Variants in TSPOAP1 observed in about 807,000 individuals in gnomAD.
The protein encoded by TSPOAP1 is TSPO associated protein 1.
In TSPOAP1, 87 loss-of-function variants were observed where a neutral mutation model predicts 197.0. The observed-to-expected ratio is 0.44, with a 90% confidence interval of 0.37 to 0.53. The LOEUF is 0.53. TSPOAP1 is among the 20% of genes least tolerant of loss of function. TSPOAP1 has a pLI of 0.00. For missense variants in TSPOAP1, 2,174 were observed against 2,411.3 expected, an observed-to-expected ratio of 0.90 and a Z score of 2.06; for synonymous variants, 913 against 998.9, an observed-to-expected ratio of 0.91 and a Z score of 1.62.
At chr17:58,321,300 CTTTTT>C (rs200542407) in intron 10 of TSPOAP1, among the ~76,000 whole-genome samples, 1 of 143,668 alleles carries the variant, frequency 7.0e-6, no homozygotes, top group Non-Finnish European at 1.5e-5. Context: ...CTTGTCAATT[CTTTTT>C]TTTTTTTTTT....
chr17:58,306,455 G>A, intron 25 of TSPOAP1, 42 bp from the exon 26 acceptor site: 1 of 1,517,834 alleles, frequency 6.6e-7, no homozygotes, highest in Non-Finnish European at 8.9e-7. Context: ...AGGGGAGGTG[G>A]GAGAGACAGG....
intron 31 of TSPOAP1, chr17:58,302,992 GGGACTCTCCCTTAA>G (rs1328791924): frequency 6.6e-6 from 1 of 152,356 alleles, no homozygotes; most frequent in African/African-American, 2.4e-5. Context: ...GAGGAAGATT[GGGACTCTCCCTTAA>G]GGGCCCCTAA....
chr17:58,323,612 C>T (rs1208221581), intron 5 of TSPOAP1, 67 bp from the exon 6 acceptor site: 1 of 1,537,950 alleles, frequency 6.5e-7, no homozygotes, highest in African/African-American at 1.4e-5. Flanking sequence ...TGCCCCAGCC[C>T]AGCCTGCCCA....
chr17:58,325,357 C>G, intron 4 of TSPOAP1, 177 bp downstream of exon 4: 1 of 792,236 alleles, frequency 1.3e-6, no homozygotes, highest in Non-Finnish European at 2.0e-6. Flanking sequence ...GTCTGGGACT[C>G]ATGGCTCCAC....
Position 58,326,288 on chromosome 17 carries a change from C to T in TSPOAP1, c.570+5G>A. ...AGCCTCCGCCCAGCAGCCTCCTTTC[C>T]TCACCACCCTCAGGTTCGTTTCCTG... On this transcript the variant is annotated splice_donor_5th_base_variant and intron_variant, in intron 3 of 31. Transcript: ENST00000343736. This position sits in a 1 kb window ranked among gnomAD's most constrained non-coding sequence, Gnocchi z 4.7. 1 of 1,613,904 alleles carries T rather than the reference C, an allele frequency of 6.2e-7. No homozygotes were observed. The highest frequency in any genetic ancestry group is 8.5e-7 in the Non-Finnish European group (1 of 1,179,910).
At position 58,302,143 on chromosome 17, in the gene TSPOAP1, G is replaced by T; in HGVS notation, c.*337C>A. The stretch of plus-strand genomic sequence containing the variant: ...TCACCAAGGCTCTTTGATTCCCTCT[G>T]AATGCCACAGTGTTAACGCAGAAGA... On this transcript the variant is annotated 3_prime_UTR_variant, in exon 32 of 32. Coordinates refer to ENST00000343736, the MANE Select transcript of TSPOAP1 (RefSeq NM_004758.4). 2 of 881,704 alleles carry T rather than the reference G, an allele frequency of 2.3e-6. No individual in the cohort carries two copies. The highest frequency in any genetic ancestry group is 3.0e-6 in the Non-Finnish European group (2 of 659,498). The allele number at this position is 881,704 out of a possible 1,614,324, so 54.6% of individuals were successfully genotyped here.
chr17:58,318,443 A>G lies in TSPOAP1; in HGVS notation c.1709T>C (p.Leu570Pro), dbSNP rs1598072380. 1 of 1,612,378 alleles carries G rather than the reference A, an allele frequency of 6.2e-7. No homozygotes were observed. Among genetic ancestry groups the G allele is most frequent in the East Asian group, 2.2e-5 (1 of 44,856 alleles). Residue 570 changes from leucine (L) to proline (P), a missense_variant, in exon 14 of 32, where the codon CTC (leucine) becomes CCC (proline). Physicochemically the swap from Leu to Pro is moderately conservative, Grantham distance 98. This residue lies in a region of TSPOAP1 where 1,933 missense variants were observed against 2,139.0 expected (regional missense o/e 0.90). Transcript: ENST00000343736. ...GCAGCGCCCAGGGGAGCCCGGCGGG[A>G]GGTCAAGGTCTAAAGAGAAGATGGC... ...CRGSGPKDLD[L>P]PPGSPGRCTP...
chr17:58,322,518 T>C lies in TSPOAP1; in HGVS notation c.1318-106A>G, dbSNP rs972817921. 2 of 1,545,630 alleles carry C rather than the reference T, an allele frequency of 1.3e-6. No individual in the cohort carries two copies. The highest frequency in any genetic ancestry group is 1.7e-6 in the Non-Finnish European group (2 of 1,145,658). ...CACCATTTGCTCCAGATTCCTCTAT[T>C]ACAAAGGAAACTGAGCCTGGAGCAG... On this transcript the variant is annotated intron_variant, in intron 9 of 31. Transcript: ENST00000343736. The surrounding 1 kb of genome is among the most constrained non-coding windows in gnomAD (Gnocchi z 5.0).
At chr17:58,302,526 G>T (rs1399208190) in intron 31 of TSPOAP1, 79 bp from the exon 32 acceptor site, 2 of 1,035,882 alleles carry the variant, frequency 1.9e-6, no homozygotes, top group East Asian at 1.6e-4. Context: ...CACAGCCTAA[G>T]GGGCCTGCAG....
intron 16 of TSPOAP1, among the ~76,000 whole-genome samples, chr17:58,315,710 C>A (rs986187179): frequency 6.6e-6 from 1 of 152,152 alleles, no homozygotes; most frequent in African/African-American, 2.4e-5. Context: ...CCTGACTATC[C>A]ACACAAAAAT....
At chr17:58,307,508 G>T in intron 24 of TSPOAP1, 103 bp downstream of exon 24, 1 of 1,436,924 alleles carries the variant, frequency 7.0e-7, no homozygotes, top group Non-Finnish European at 9.5e-7. Context: ...TAGAAGCCAT[G>T]TTCTCCACCA....
rs144607194 is a variant in TSPOAP1, at chr17:58,311,932, C to T, written c.2889G>A (p.Glu963=). ...TGAACTGCAGGGTGGCAGCCCGCTG[C>T]TCCAGCCTCTCCCAGCCTGGTTCCC... ...GPWEPGWERL[E]QRAATLQFTT... The change falls in exon 17 of 32, where the codon GAG becomes GAA. Residue 963 remains glutamate (E), a synonymous_variant. Coordinates refer to ENST00000343736, the MANE Select transcript of TSPOAP1 (RefSeq NM_004758.4). 2.5e-6 allele frequency: 4 copies of T among 1,579,500 alleles called. No homozygotes were observed. The highest frequency in any genetic ancestry group is 3.4e-6 in the Non-Finnish European group (4 of 1,162,522).
chr17:58,304,253 C>T lies in TSPOAP1; in HGVS notation c.*32+85G>A, dbSNP rs1015813799. On this transcript the variant is annotated intron_variant, in intron 31 of 31. Transcript: ENST00000343736. The surrounding 1 kb of genome is among the most constrained non-coding windows in gnomAD (Gnocchi z 4.2). ...GACTACAGTGGGAAAGCTGGGTCAG[C>T]TCCAGTATTTGAGACAAAGGAGCAC... The T allele has an allele frequency of 8.2e-7, 1 of 1,222,186 alleles. No individual in the cohort carries two copies. Among genetic ancestry groups the T allele is most frequent in the Non-Finnish European group, 1.2e-6 (1 of 842,886 alleles). 75.7% of individuals were successfully genotyped at this position (1,222,186 alleles called of 1,614,324 possible).
intron 1 of TSPOAP1, among the ~76,000 whole-genome samples, chr17:58,327,109 C>G (rs1175452042): frequency 6.6e-6 from 1 of 152,154 alleles, no homozygotes; most frequent in Admixed American, 6.5e-5. Flanking sequence ...CTGCCCTCCC[C>G]CAAAGTCCTG....
intron 23 of TSPOAP1, 22 bp from the exon 24 acceptor site, chr17:58,307,784 CGG>C: frequency 6.2e-7 from 1 of 1,613,734 alleles, no homozygotes; most frequent in Non-Finnish European, 8.5e-7. Flanking sequence ...GTGGAGAGGG[CGG>C]TGACGCAGCG....
At chr17:58,327,555 C>T (rs1971679970) in intron 1 of TSPOAP1, 33 bp downstream of exon 1, 15 of 1,585,592 alleles carry the variant, frequency 9.5e-6, no homozygotes, top group Non-Finnish European at 1.3e-5. Flanking sequence ...AGACCCCCAC[C>T]TTGCAGACCC....
In TSPOAP1 at chr17:58,322,930, C is replaced by T. The variant is rs1434119774; in HGVS notation, c.1194+20G>A. 1.2e-6 allele frequency: 2 copies of T among 1,606,526 alleles called. No individual in the cohort carries two copies. The highest frequency in any genetic ancestry group is 1.7e-6 in the Non-Finnish European group (2 of 1,176,398). On this transcript the variant is annotated intron_variant, in intron 8 of 31. Transcript: ENST00000343736. The surrounding 1 kb of genome is among the most constrained non-coding windows in gnomAD (Gnocchi z 5.0). ...GTGGTGGGAGCACAGGTCTCCACAGCACCTGGGCGGAAGTGGTACCTGCTC... is the reference window on the plus strand; with the variant it reads ...GTGGTGGGAGCACAGGTCTCCACAGTACCTGGGCGGAAGTGGTACCTGCTC...
Position 58,302,466 on chromosome 17 carries a change from G to A in TSPOAP1, c.*33-19C>T, listed in dbSNP as rs1036994792. The A allele has an allele frequency of 5.8e-6, 7 of 1,211,330 alleles. No homozygotes were observed. Among genetic ancestry groups the A allele is most frequent in the Admixed American group, 6.6e-5 (2 of 30,512 alleles). 75.0% of individuals were successfully genotyped at this position (1,211,330 alleles called of 1,614,324 possible). A position where few individuals can be genotyped will look rare whatever the true frequency, so the allele number is the denominator to read the frequency against. Reference sequence around the variant, plus strand: ...CCCAGTCCTGAAATGTGAGACAGAAGGAGCAAGGTCAGGGCCTGATTCCCT... The same window carrying A: ...CCCAGTCCTGAAATGTGAGACAGAAAGAGCAAGGTCAGGGCCTGATTCCCT... On this transcript the variant is annotated intron_variant, in intron 31 of 31. Coordinates refer to ENST00000343736, the MANE Select transcript of TSPOAP1 (RefSeq NM_004758.4).
Position 58,328,071 on chromosome 17 carries a change from C to A in TSPOAP1, c.-151G>T. On this transcript the variant is annotated 5_prime_UTR_variant, in exon 1 of 32. Transcript: ENST00000343736. This position sits in a 1 kb window ranked among gnomAD's most constrained non-coding sequence, Gnocchi z 4.3. The stretch of plus-strand genomic sequence containing the variant: ...CAAGGTTGGCTGAGCTCTTCCCCAC[C>A]CACAAAGGAGGCTGCAGAAGGCGCC... The A allele has an allele frequency of 2.8e-6, 2 of 723,744 alleles. No individual in the cohort carries two copies. The highest frequency in any genetic ancestry group is 4.4e-6 in the Non-Finnish European group (2 of 451,154). The allele number at this position is 723,744 out of a possible 1,614,324, so 44.8% of individuals were successfully genotyped here. A position where few individuals can be genotyped will look rare whatever the true frequency, so the allele number is the denominator to read the frequency against.
Sources: gnomAD v4.1 joint callset for allele counts (sites outside exome capture counted in the v4.1 genomes callset) on GRCh38, gnomAD v4.1.1 for gene constraint, gnomAD v4.1.1 regional missense constraint, Gnocchi (gnomAD v3.1) non-coding constraint, MANE v1.5 for transcripts, NCBI Gene and HGNC (gene_info 2026-07-23, HGNC 2026-07-21) for gene names.